The following OLFM3 variants were observed in gnomAD, a reference collection of about 807,000 sequenced individuals.
OLFM3 encodes noelin-3.
In OLFM3, 20 loss-of-function variants were observed where a neutral mutation model predicts 48.6. The ratio of observed to expected loss-of-function variants is 0.41; its 90% CI spans 0.29 to 0.60. The LOEUF (loss-of-function observed/expected upper bound fraction) is 0.60, where lower values mean the gene tolerates loss of function less well. OLFM3 is among the 20% of genes least tolerant of loss of function. The pLI is 0.28. For missense variants in OLFM3, 437 were observed against 544.3 expected, an observed-to-expected ratio of 0.80 and a Z score of 1.96; for synonymous variants, 222 against 198.1, an observed-to-expected ratio of 1.12 and a Z score of -1.01.
chr1:101,823,303 A>C (rs1654698072), intron 4 of OLFM3, among the ~76,000 whole-genome samples: 1 of 152,104 alleles, frequency 6.6e-6, no homozygotes, highest in Admixed American at 6.6e-5. Flanking sequence ...CGAGGACACC[A>C]GCTTAGTCTG....
intron 1 of OLFM3, among the ~76,000 whole-genome samples, chr1:101,991,248 T>C (rs1262300730): frequency 6.6e-6 from 1 of 151,900 alleles, no homozygotes; most frequent in African/African-American, 2.4e-5. Context: ...AATGTACAGA[T>C]AATCCCAGTG....
At chr1:101,810,481 C>T (rs1000476377) in intron 4 of OLFM3, among the ~76,000 whole-genome samples, 4 of 151,974 alleles carry the variant, frequency 2.6e-5, no homozygotes, top group Non-Finnish European at 4.4e-5. Flanking sequence ...CAGCTACACG[C>T]ATACAATATT....
intron 1 of OLFM3, among the ~76,000 whole-genome samples, chr1:101,854,178 T>A (rs1656330705): frequency 6.6e-6 from 1 of 151,956 alleles, no homozygotes; most frequent in South Asian, 2.1e-4. Flanking sequence ...AAAAAAATGG[T>A]TTAGAGAAGA....
chr1:101,848,586 T>C (rs893072109), intron 1 of OLFM3, among the ~76,000 whole-genome samples: 1 of 152,004 alleles, frequency 6.6e-6, no homozygotes, highest in Non-Finnish European at 1.5e-5. Context: ...AAACCAAATA[T>C]TATTACTTTT....
chr1:101,922,028 C>G (rs1659111547), intron 1 of OLFM3, among the ~76,000 whole-genome samples: 3 of 151,914 alleles, frequency 2.0e-5, no homozygotes, highest in African/African-American at 7.3e-5. Flanking sequence ...CACTGCACTC[C>G]AGCCTGGGTA....
At chr1:101,988,958 A>G (rs148320722) in intron 1 of OLFM3, among the ~76,000 whole-genome samples, 3 of 152,242 alleles carry the variant, frequency 2.0e-5, no homozygotes, top group East Asian at 1.9e-4. Flanking sequence ...TTCATGAACA[A>G]CTATTCTGCA....
intron 1 of OLFM3, among the ~76,000 whole-genome samples, chr1:101,974,778 G>A (rs1537954): frequency 0.97 from 147,637 of 152,182 alleles, 71,764 homozygotes; most frequent in Middle Eastern, 1. Context: ...CTACTTTTTT[G>A]TTTGGTCCTG....
At chr1:101,995,305 G>A (rs1661527361) in intron 1 of OLFM3, among the ~76,000 whole-genome samples, 1 of 152,048 alleles carries the variant, frequency 6.6e-6, no homozygotes, top group Non-Finnish European at 1.5e-5. Context: ...AAGAGTGGCA[G>A]TGGATAGAAT....
At chr1:101,914,756 A>C (rs1658869175) in intron 1 of OLFM3, among the ~76,000 whole-genome samples, 1 of 152,210 alleles carries the variant, frequency 6.6e-6, no homozygotes, top group South Asian at 2.1e-4. Context: ...ATCTGTTGTA[A>C]TGGTCAAAAC....
chr1:101,806,238 G>A (rs1020427047), intron 4 of OLFM3, 56 bp from the exon 5 acceptor site: 31 of 1,297,574 alleles, frequency 2.4e-5, no homozygotes, highest in African/African-American at 1.2e-4. Flanking sequence ...ATTCCAATAC[G>A]CATACTCACA....
intron 1 of OLFM3, among the ~76,000 whole-genome samples, chr1:101,869,736 A>G (rs1369982150): frequency 2.0e-5 from 3 of 152,128 alleles, no homozygotes; most frequent in South Asian, 4.1e-4. Flanking sequence ...TAATTGAATC[A>G]TGGGGGCAGT....
Position 101,938,501 on chromosome 1 carries a change from C to A in OLFM3, c.69+58247G>T, listed in dbSNP as rs575620085. Among the ~76,000 whole-genome samples the A allele has an allele frequency of 5.3e-5, 8 of 152,220 alleles. No homozygotes were observed. In the South Asian group the frequency reaches 1.7e-3, roughly 32 times the overall value. On this transcript the variant is annotated intron_variant, in intron 1 of 5. Coordinates refer to ENST00000370103, the MANE Select transcript of OLFM3 (RefSeq NM_058170.4). ...TGCCTTCTGATGTTCTACCTTGTGCCCCGTTATTTACCTGGCCACCAGATG... is the reference window on the plus strand; with the variant it reads ...TGCCTTCTGATGTTCTACCTTGTGCACCGTTATTTACCTGGCCACCAGATG...
chr1:101,836,726 G>T (rs898461013), intron 2 of OLFM3, among the ~76,000 whole-genome samples, 153 bp downstream of exon 2: 1 of 152,066 alleles, frequency 6.6e-6, no homozygotes, highest in Non-Finnish European at 1.5e-5. Flanking sequence ...GAAGCTTGAG[G>T]TAACCCTTTC....
chr1:101,970,197 A>G (rs979878997), intron 1 of OLFM3, among the ~76,000 whole-genome samples: 2 of 151,960 alleles, frequency 1.3e-5, no homozygotes, highest in African/African-American at 4.8e-5. Flanking sequence ...TTGTATTTTT[A>G]GTAGAGTTGG....
intron 1 of OLFM3, among the ~76,000 whole-genome samples, chr1:101,884,429 G>A (rs1657660417): frequency 6.6e-6 from 1 of 151,706 alleles, no homozygotes; most frequent in Non-Finnish European, 1.5e-5. Flanking sequence ...GAGAAAAAAG[G>A]ACACCTTTCT....
intron 1 of OLFM3, among the ~76,000 whole-genome samples, chr1:101,853,478 T>G (rs1393227306): frequency 6.6e-6 from 1 of 152,056 alleles, no homozygotes; most frequent in East Asian, 1.9e-4. Flanking sequence ...TATATTATAT[T>G]TATACATCTT....
chr1:101,843,822 T>C (rs1655850170), intron 1 of OLFM3, among the ~76,000 whole-genome samples: 1 of 152,246 alleles, frequency 6.6e-6, no homozygotes, highest in African/African-American at 2.4e-5. Flanking sequence ...ACTATGATCA[T>C]ATTTGTGTAA....
At chr1:101,947,809 T>C (rs533748379) in intron 1 of OLFM3, among the ~76,000 whole-genome samples, 2 of 152,320 alleles carry the variant, frequency 1.3e-5, no homozygotes, top group African/African-American at 4.8e-5. Flanking sequence ...CGGCTCTTTA[T>C]ATGGCATATA....
In OLFM3 at chr1:101,830,663, C is replaced by A; in HGVS notation, c.372+9G>T. 1.9e-6 allele frequency: 3 copies of A among 1,614,100 alleles called. No individual in the cohort carries two copies. The highest frequency in any genetic ancestry group is 1.7e-6 in the Non-Finnish European group (2 of 1,179,986). On this transcript the variant is annotated intron_variant, in intron 3 of 5. Coordinates refer to ENST00000370103, the MANE Select transcript of OLFM3 (RefSeq NM_058170.4). The stretch of plus-strand genomic sequence containing the variant: ...TTTGGATTGACAAGATTGCAGAAGT[C>A]AAACCTACCTGAAAATGCTTGGTCA...
Sources: gnomAD v4.1 joint callset for allele counts (sites outside exome capture counted in the v4.1 genomes callset) on GRCh38, gnomAD v4.1.1 for gene constraint, MANE v1.5 for transcripts, NCBI Gene and HGNC (gene_info 2026-07-23, HGNC 2026-07-21) for gene names.